MEF2A: variants seen among roughly 807,000 people sequenced by gnomAD.
The protein encoded by MEF2A is myocyte-specific enhancer factor 2A.
MEF2A carries 28 observed loss-of-function variants against 55.8 expected under a neutral mutation model. The ratio of observed to expected loss-of-function variants is 0.50; its 90% confidence interval spans 0.37 to 0.69. The LOEUF (loss-of-function observed/expected upper bound fraction) is 0.69, where lower values mean the gene tolerates loss of function less well. Ranked by LOEUF, MEF2A falls within the 30% of genes least tolerant of loss-of-function variation. The probability of loss-of-function intolerance (pLI) is 0.00; values close to 1 mark genes in which losing one functional copy is unlikely to be tolerated. For synonymous variants in MEF2A, 239 were observed against 227.1 expected (o/e 1.05, Z -0.47); for missense variants, 528 against 626.2 (o/e 0.84, Z 1.67).
At position 99,712,432 on chromosome 15, in the gene MEF2A, T is replaced by C. The variant is rs369483642; in HGVS notation, c.1179T>C (p.Asn393=). ...CTCAGGGTTCCAATTTATCCATTAATACCAACCAAAACATCAGCATCAAGT... is the reference window on the plus strand; with the variant it reads ...CTCAGGGTTCCAATTTATCCATTAACACCAACCAAAACATCAGCATCAAGT... ...QLSQGSNLSI[N]TNQNISIKSE... The change falls in exon 12 of 12, where the codon AAT becomes AAC. Residue 393 remains asparagine (N), a synonymous_variant. Coordinates refer to ENST00000557942, the MANE Select transcript of MEF2A (RefSeq NM_001319206.4). The surrounding 1 kb of genome is among the most constrained non-coding windows in gnomAD (Gnocchi z 4.1). 517 of 1,549,616 alleles carry C rather than the reference T, an allele frequency of 3.3e-4. No homozygotes were observed. Among genetic ancestry groups the C allele is most frequent in the Non-Finnish European group, 4.2e-4 (482 of 1,145,190 alleles).
intron 1 of MEF2A, among the ~76,000 whole-genome samples, chr15:99,569,317 T>G (rs1305971186): frequency 6.6e-6 from 1 of 152,246 alleles, no homozygotes; most frequent in African/African-American, 2.4e-5. Context: ...CCCTTCTGGC[T>G]TTTGTTTCTT....
At chr15:99,575,761 G>A (rs1018166433) in intron 1 of MEF2A, among the ~76,000 whole-genome samples, 6 of 152,084 alleles carry the variant, frequency 3.9e-5, no homozygotes, top group Admixed American at 6.5e-5. Context: ...TCTAACCATC[G>A]TTCCCTCTCC....
chr15:99,573,363 A>G (rs1424094795), intron 1 of MEF2A, among the ~76,000 whole-genome samples: 7 of 151,872 alleles, frequency 4.6e-5, no homozygotes, highest in Non-Finnish European at 1.0e-4. Flanking sequence ...CCCAAATCAC[A>G]CTTTAAAAAT....
rs1382046463 is a variant in MEF2A at position 99,674,499 on chromosome 15, T to G, written c.497T>G (p.Leu166Trp). ...NPGSSLVSPS[L>W]AASSTLTDSS... ...GGGAGTTCACTGGTGTCCCCATCTT[T>G]GGCAGCCAGCTCAACGTTAACAGAT... The change falls in exon 6 of 12, where the codon TTG (leucine) becomes TGG (tryptophan). Residue 166 changes from leucine to tryptophan, a missense_variant. Leu to Trp is a moderately conservative substitution (Grantham distance 61, BLOSUM62 -2). Transcript: ENST00000557942. 6.2e-7 allele frequency: 1 copy of G among 1,614,008 alleles called. No homozygotes were observed.
At chr15:99,688,514 T>G (rs2054735185) in intron 7 of MEF2A, among the ~76,000 whole-genome samples, 1 of 152,144 alleles carries the variant, frequency 6.6e-6, no homozygotes, top group African/African-American at 2.4e-5. Flanking sequence ...TCCCAGCACT[T>G]TGGGAGGCCG....
chr15:99,681,213 A>G lies in MEF2A; in HGVS notation c.670+5755A>G, dbSNP rs115965428. ...ATAGAAAGGCTCAAGATGCTCTTGG[A>G]ATTATTTGGGGTTAAATGAAGGTAA... On this transcript the variant is annotated intron_variant, in intron 7 of 11. Coordinates refer to ENST00000557942, the MANE Select transcript of MEF2A (RefSeq NM_001319206.4). Among the ~76,000 whole-genome samples, 1,481 of 152,314 alleles carry G rather than the reference A, an allele frequency of 9.7e-3. 22 individuals are homozygous for G. Among genetic ancestry groups the G allele is most frequent in the African/African-American group, 0.032 (1,339 of 41,560 alleles).
chr15:99,593,710 A>G (rs1970148656), intron 1 of MEF2A, among the ~76,000 whole-genome samples: 1 of 152,194 alleles, frequency 6.6e-6, no homozygotes, highest in Non-Finnish European at 1.5e-5. Flanking sequence ...AAGGTAGTTC[A>G]AATAGTTTGA....
intron 1 of MEF2A, among the ~76,000 whole-genome samples, chr15:99,576,927 G>A (rs11247112): frequency 0.34 from 51,802 of 152,092 alleles, 10,801 homozygotes; most frequent in Middle Eastern, 0.48. Flanking sequence ...GATTACAGGC[G>A]TGAGCCACCA....
chr15:99,609,756 G>A (rs1282833630), intron 2 of MEF2A, among the ~76,000 whole-genome samples: 2 of 152,024 alleles, frequency 1.3e-5, no homozygotes, highest in African/African-American at 2.4e-5. Flanking sequence ...TTCCATAAGG[G>A]TAAAGAATCT....
intron 9 of MEF2A, among the ~76,000 whole-genome samples, chr15:99,705,838 A>T (rs1227201535): frequency 6.6e-6 from 1 of 152,188 alleles, no homozygotes; most frequent in Non-Finnish European, 1.5e-5. Context: ...TAAAAAACAA[A>T]TAGAGTTGTG....
At chr15:99,615,376 T>C (rs1235186636) in intron 2 of MEF2A, among the ~76,000 whole-genome samples, 1 of 152,166 alleles carries the variant, frequency 6.6e-6, no homozygotes, top group Non-Finnish European at 1.5e-5. Context: ...TTTTACAGTT[T>C]TTAATATTAA....
At chr15:99,605,897 G>A (rs1206082197) in intron 2 of MEF2A, among the ~76,000 whole-genome samples, 2 of 152,186 alleles carry the variant, frequency 1.3e-5, no homozygotes. Context: ...TTGAGACCGG[G>A]AGGCAGAGGT....
At chr15:99,606,093 T>C (rs1658891839) in intron 2 of MEF2A, among the ~76,000 whole-genome samples, 1 of 152,176 alleles carries the variant, frequency 6.6e-6, no homozygotes. Context: ...ATTAAATGCC[T>C]GGAAAAGGGT....
intron 2 of MEF2A, among the ~76,000 whole-genome samples, chr15:99,610,602 CA>C (rs1976888907): frequency 6.6e-6 from 1 of 152,206 alleles, no homozygotes; most frequent in African/African-American, 2.4e-5. Context: ...TAAGGATAAA[CA>C]GATCAATGGG....
At chr15:99,650,162 A>G (rs1280160354) in intron 4 of MEF2A, among the ~76,000 whole-genome samples, 1 of 152,178 alleles carries the variant, frequency 6.6e-6, no homozygotes, top group Non-Finnish European at 1.5e-5. Context: ...TTCATATTCA[A>G]GGTAAGCTTT....
intron 1 of MEF2A, among the ~76,000 whole-genome samples, chr15:99,589,972 T>TA (rs1256249668): frequency 6.6e-6 from 1 of 152,100 alleles, no homozygotes; most frequent in Non-Finnish European, 1.5e-5. Flanking sequence ...TGTTTGTTCT[T>TA]ATGTGGTTGG....
chr15:99,599,360 T>C (rs1202092156), intron 2 of MEF2A, among the ~76,000 whole-genome samples: 1 of 152,158 alleles, frequency 6.6e-6, no homozygotes, highest in African/African-American at 2.4e-5. Flanking sequence ...GATGATTATG[T>C]CAGTAAAAAT....
Position 99,710,587 on chromosome 15 carries a change from G to C in MEF2A, c.1010-47G>C, listed in dbSNP as rs141105153. 20 of 1,584,524 alleles carry C rather than the reference G, an allele frequency of 1.3e-5. No individual in the cohort carries two copies. The East Asian group carries it at 2.7e-4, about 22-fold the overall frequency. ...AGTAGCTACGTAAAAAATAGATTCC[G>C]TATGGACCTTCCATCATATGCAGAG... On this transcript the variant is annotated intron_variant, in intron 10 of 11. Transcript: ENST00000557942.
At chr15:99,658,090 AAC>A (rs1283300454) in intron 4 of MEF2A, among the ~76,000 whole-genome samples, 2 of 152,202 alleles carry the variant, frequency 1.3e-5, no homozygotes, top group Admixed American at 6.6e-5. Flanking sequence ...CAGTGAGGAA[AAC>A]ACAGCAGGAT....
Sources: allele counts gnomAD v4.1 joint callset (sites outside exome capture counted in the v4.1 genomes callset), GRCh38; gene constraint gnomAD v4.1.1; non-coding constraint Gnocchi (gnomAD v3.1); transcripts MANE v1.5; gene names NCBI Gene and HGNC (gene_info 2026-07-23, HGNC 2026-07-21).